CHSY1: variants seen among roughly 807,000 people sequenced by gnomAD.
CHSY1 encodes the protein N-acetylgalactosaminyl-proteoglycan 3-beta-glucuronosyltransferase 1.
In CHSY1, 13 loss-of-function variants were observed where a neutral mutation model predicts 59.8. The ratio of observed to expected loss-of-function variants is 0.22; its 90% confidence interval spans 0.14 to 0.35. CHSY1 has a LOEUF of 0.35. Ranked by LOEUF, CHSY1 falls within the 10% of genes least tolerant of loss-of-function variation. The pLI, the probability that CHSY1 is intolerant of heterozygous loss-of-function variation, is 1.00. For missense variants in CHSY1, 947 were observed against 1,030.6 expected (o/e 0.92, Z 1.11); for synonymous variants, 459 against 401.2 (o/e 1.14, Z -1.72).
At chr15:101,219,521 G>A (rs115311434) in intron 2 of CHSY1, among the ~76,000 whole-genome samples, 3 of 152,066 alleles carry the variant, frequency 2.0e-5, no homozygotes, top group Admixed American at 6.5e-5. Context: ...ACAAGCAAAC[G>A]TCAAATTTCA....
chr15:101,222,145 CT>C (rs1479473751), intron 2 of CHSY1, among the ~76,000 whole-genome samples: 1 of 152,176 alleles, frequency 6.6e-6, no homozygotes, highest in African/African-American at 2.4e-5. Flanking sequence ...ACACAAAGAC[CT>C]TTCTGTCTCA....
intron 2 of CHSY1, among the ~76,000 whole-genome samples, chr15:101,226,153 T>C (rs1448981022): frequency 6.6e-6 from 1 of 152,214 alleles, no homozygotes; most frequent in East Asian, 1.9e-4. Flanking sequence ...AAGACTACAA[T>C]GTTACTACAA....
At chr15:101,242,730 C>T (rs2039014333) in intron 1 of CHSY1, 1 of 152,240 alleles carries the variant, frequency 6.6e-6, no homozygotes, top group African/African-American at 2.4e-5. Flanking sequence ...CAGGATGTTG[C>T]AAACACTGTT....
chr15:101,239,061 G>A (rs1365715864), intron 1 of CHSY1, among the ~76,000 whole-genome samples: 2 of 152,154 alleles, frequency 1.3e-5, no homozygotes, highest in African/African-American at 4.8e-5. Context: ...ATAGTGCAAT[G>A]ACCCCCCATT....
chr15:101,215,345 T>G (rs563065953), intron 2 of CHSY1, among the ~76,000 whole-genome samples: 76 of 152,194 alleles, frequency 5.0e-4, no homozygotes, highest in Non-Finnish European at 9.8e-4. Context: ...AACTTAAGTT[T>G]TCAAGGCCAT....
intron 2 of CHSY1, among the ~76,000 whole-genome samples, chr15:101,204,463 AATAATAATG>A (rs756961601): frequency 1.6e-5 from 2 of 123,904 alleles, no homozygotes; most frequent in Non-Finnish European, 3.3e-5. Context: ...TAATAATAAT[AATAATAATG>A]TACACTTATA....
chr15:101,217,421 C>A (rs1159197404), intron 2 of CHSY1, among the ~76,000 whole-genome samples: 1 of 152,146 alleles, frequency 6.6e-6, no homozygotes, highest in East Asian at 1.9e-4. Flanking sequence ...GGGGGCCAAG[C>A]AAGTGACACC....
chr15:101,239,895 C>T (rs1033638335), intron 1 of CHSY1, among the ~76,000 whole-genome samples: 2 of 152,162 alleles, frequency 1.3e-5, no homozygotes, highest in Admixed American at 1.3e-4. Context: ...GTGTACCCCA[C>T]CAGGAAGAAC....
intron 1 of CHSY1, among the ~76,000 whole-genome samples, chr15:101,247,055 T>C (rs886725162): frequency 2.0e-4 from 31 of 152,226 alleles, no homozygotes; most frequent in South Asian, 1.0e-3. Context: ...TAAATTATTT[T>C]ATGTGTTAAC....
Position 101,177,859 on chromosome 15 carries a change from T to C in CHSY1, c.1938A>G (p.Ala646=). Residue 646 remains alanine (A), a synonymous_variant, in exon 3 of 3, where the codon GCA becomes GCG. Coordinates refer to ENST00000254190, the MANE Select transcript of CHSY1 (RefSeq NM_014918.5). ...FTTEFLQRCR[A]NTVLGQQIYF... The stretch of plus-strand genomic sequence containing the variant: ...ATATTTGTTGGCCCAGAACTGTATT[T>C]GCTCGACATCGCTGAAGGAATTCTG... The C allele has an allele frequency of 6.2e-7, 1 of 1,614,230 alleles. No individual in the cohort carries two copies. Among genetic ancestry groups the C allele is most frequent in the Non-Finnish European group, 8.5e-7 (1 of 1,180,040 alleles).
chr15:101,216,991 T>A (rs2038740322), intron 2 of CHSY1, among the ~76,000 whole-genome samples: 1 of 152,092 alleles, frequency 6.6e-6, no homozygotes, highest in South Asian at 2.1e-4. Context: ...CTCACTGAAG[T>A]GGGCAGAGCA....
intron 2 of CHSY1, among the ~76,000 whole-genome samples, chr15:101,207,692 G>A (rs1317264672): frequency 6.6e-6 from 1 of 152,200 alleles, no homozygotes; most frequent in Non-Finnish European, 1.5e-5. Context: ...CAAATATTCA[G>A]TCTTGCTAAA....
chr15:101,242,607 G>A (rs1351729746), intron 1 of CHSY1: 1 of 152,288 alleles, frequency 6.6e-6, no homozygotes, highest in Non-Finnish European at 1.5e-5. Flanking sequence ...GTACACGGAG[G>A]GCACCACTCT....
At chr15:101,190,515 A>C (rs2038429746) in intron 2 of CHSY1, among the ~76,000 whole-genome samples, 1 of 152,222 alleles carries the variant, frequency 6.6e-6, no homozygotes, top group Admixed American at 6.5e-5. Flanking sequence ...AAAACTCCTA[A>C]AGAAAACAGA....
intron 1 of CHSY1, among the ~76,000 whole-genome samples, chr15:101,240,352 CT>C (rs2038989824): frequency 6.6e-6 from 1 of 152,222 alleles, no homozygotes; most frequent in Non-Finnish European, 1.5e-5. Context: ...AAGCTGTCCC[CT>C]CTTCTGCAAT....
At chr15:101,181,899 A>C (rs1028229331) in intron 2 of CHSY1, among the ~76,000 whole-genome samples, 24 of 152,232 alleles carry the variant, frequency 1.6e-4, no homozygotes, top group Non-Finnish European at 1.6e-4. Context: ...TATCAATAAC[A>C]ATCAATAACA....
chr15:101,215,460 C>T (rs151258809), intron 2 of CHSY1, among the ~76,000 whole-genome samples: 106 of 152,342 alleles, frequency 7.0e-4, no homozygotes, highest in African/African-American at 2.2e-3. Context: ...ATAGGCCACG[C>T]GTGGTGGCTC....
Position 101,235,488 on chromosome 15 carries a change from C to A in CHSY1, c.410G>T (p.Arg137Leu). The change falls in exon 2 of 3, where the codon CGG becomes CTG. Residue 137 changes from arginine to leucine, a missense_variant. This residue lies in a region of CHSY1 where 232 missense variants were observed against 188.5 expected (regional missense o/e 1.23). Transcript: ENST00000254190. ...TSVPIPVVPL[R>L]GVDDSYPPQK... ...GGGCGGGTAGGAGTCGTCCACACCC[C>A]GTAGTGGCACTACTGGAATTGGTAC... 1 of 1,613,838 alleles carries A rather than the reference C, an allele frequency of 6.2e-7. No homozygotes were observed.
intron 2 of CHSY1, among the ~76,000 whole-genome samples, chr15:101,220,902 GGAC>G (rs1452342154): frequency 6.6e-6 from 1 of 152,076 alleles, no homozygotes; most frequent in Non-Finnish European, 1.5e-5. Context: ...TCTCTCAGCT[GGAC>G]GAGCAGCCCC....
Sources: gnomAD v4.1 joint callset for allele counts (sites outside exome capture counted in the v4.1 genomes callset) on GRCh38, gnomAD v4.1.1 for gene constraint, gnomAD v4.1.1 regional missense constraint, MANE v1.5 for transcripts, NCBI Gene and HGNC (gene_info 2026-07-23, HGNC 2026-07-21) for gene names.